The following STAU2 variants were observed in gnomAD, a reference collection of about 807,000 sequenced individuals.
The protein encoded by STAU2 is staufen double-stranded RNA binding protein 2.
In STAU2, 20 loss-of-function variants were observed where a neutral mutation model predicts 65.9. That is an observed-to-expected ratio of 0.30 (90% confidence interval 0.21 to 0.44). The LOEUF is 0.44. Ranked by LOEUF, STAU2 falls within the 20% of genes least tolerant of loss-of-function variation. STAU2 has a pLI of 1.00. For synonymous variants in STAU2, 232 were observed against 233.9 expected (o/e 0.99, Z 0.07); for missense variants, 558 against 683.9 (o/e 0.82, Z 2.05).
At position 73,609,374 on chromosome 8, in the gene STAU2, C is replaced by T. The variant is rs990946461; in HGVS notation, c.891+4370G>A. Among the ~76,000 whole-genome samples the T allele has an allele frequency of 2.0e-5, 3 of 151,944 alleles. No homozygotes were observed. In the East Asian group the frequency reaches 5.8e-4, roughly 29 times the overall value. On this transcript the variant is annotated intron_variant, in intron 9 of 14. Transcript: ENST00000524300. Reference sequence around the variant, plus strand: ...CTGAAAAAAAAAATTAAATAAAGGGCCGGGCGCGGTGGCTCATGTCTGTAA... The same window carrying T: ...CTGAAAAAAAAAATTAAATAAAGGGTCGGGCGCGGTGGCTCATGTCTGTAA...
intron 13 of STAU2, among the ~76,000 whole-genome samples, chr8:73,533,077 T>G (rs909592711): frequency 4.6e-5 from 7 of 152,218 alleles, no homozygotes; most frequent in African/African-American, 1.7e-4. Flanking sequence ...TGGTCACTCA[T>G]TGGCTTAGAA....
chr8:73,648,829 C>G (rs935541321), intron 6 of STAU2, among the ~76,000 whole-genome samples: 1 of 152,102 alleles, frequency 6.6e-6, no homozygotes, highest in Non-Finnish European at 1.5e-5. Flanking sequence ...TTTTTAGAGA[C>G]ACAGTCTCTC....
chr8:73,686,346 C>G (rs932631957), intron 5 of STAU2, among the ~76,000 whole-genome samples: 1 of 151,804 alleles, frequency 6.6e-6, no homozygotes, highest in Non-Finnish European at 1.5e-5. Context: ...GTCAGGAGAT[C>G]GAGACCATCC....
intron 6 of STAU2, among the ~76,000 whole-genome samples, chr8:73,632,389 A>C (rs1322769523): frequency 6.6e-6 from 1 of 152,196 alleles, no homozygotes; most frequent in African/African-American, 2.4e-5. Flanking sequence ...TTCCTTAAGT[A>C]TTTGAGGAAT....
intron 13 of STAU2, among the ~76,000 whole-genome samples, chr8:73,463,140 C>T (rs1385337509): frequency 6.6e-6 from 1 of 152,172 alleles, no homozygotes; most frequent in African/African-American, 2.4e-5. Context: ...AGTTATGATG[C>T]TTACTAGAAA....
Position 73,550,424 on chromosome 8 carries a change from T to TA in STAU2, c.1530+1587dup, listed in dbSNP as rs367585067. 3.4e-5 allele frequency: 34 copies of TA among 985,522 alleles called. No homozygotes were observed. The African/African-American group carries it at 5.8e-4, about 17-fold the overall frequency. The allele number at this position is 985,522 out of a possible 1,614,324, so 61.0% of individuals were successfully genotyped here. On this transcript the variant is annotated intron_variant, in intron 13 of 14. Transcript: ENST00000524300. ...TCTGGTAGCAAAATTACAGCTACTG[T>TA]AACAACAGCTCCAAGCAAAAAATCA...
At chr8:73,687,332 T>C (rs1195337650) in intron 5 of STAU2, among the ~76,000 whole-genome samples, 1 of 102,896 alleles carries the variant, frequency 9.7e-6, no homozygotes, top group South Asian at 2.9e-4. Context: ...TATTTATAAA[T>C]ATAATTTATA....
intron 4 of STAU2, among the ~76,000 whole-genome samples, chr8:73,707,330 T>C (rs139212437): frequency 6.6e-6 from 1 of 152,236 alleles, no homozygotes; most frequent in African/African-American, 2.4e-5. Flanking sequence ...GAGGCAAGTG[T>C]CACAGAAAGA....
intron 12 of STAU2, among the ~76,000 whole-genome samples, chr8:73,567,223 A>C (rs1808674892): frequency 6.6e-6 from 1 of 152,180 alleles, no homozygotes; most frequent in Admixed American, 6.5e-5. Context: ...AGATTAAAAA[A>C]AAGGCCGGGC....
chr8:73,527,801 G>A (rs777791461), intron 13 of STAU2: 1 of 1,535,956 alleles, frequency 6.5e-7, no homozygotes. Context: ...TCACAGTAGT[G>A]AACCTATAAC....
At chr8:73,539,848 C>CAAA (rs539856610) in intron 13 of STAU2, among the ~76,000 whole-genome samples, 3,917 of 86,928 alleles carry the variant, frequency 0.045, 172 homozygotes, top group Admixed American at 0.17. Context: ...CATCCCCATC[C>CAAA]AAAAAAAAAA....
chr8:73,572,133 T>C (rs549652292), intron 12 of STAU2, among the ~76,000 whole-genome samples: 1 of 152,074 alleles, frequency 6.6e-6, no homozygotes, highest in Non-Finnish European at 1.5e-5. Flanking sequence ...TCTACGCAAA[T>C]AAACTAGAAA....
chr8:73,553,295 T>A (rs919438950), intron 12 of STAU2, among the ~76,000 whole-genome samples: 4 of 152,200 alleles, frequency 2.6e-5, no homozygotes, highest in African/African-American at 9.6e-5. Context: ...ACAACTTAAT[T>A]TCCTGTTCTT....
intron 13 of STAU2, chr8:73,549,919 C>T (rs987165573): frequency 2.0e-5 from 20 of 985,604 alleles, no homozygotes; most frequent in Non-Finnish European, 2.4e-5. Flanking sequence ...AAACAATCTA[C>T]ATGTTTTTCT....
At chr8:73,609,444 G>A (rs914940078) in intron 9 of STAU2, among the ~76,000 whole-genome samples, 7 of 151,972 alleles carry the variant, frequency 4.6e-5, no homozygotes, top group Non-Finnish European at 8.8e-5. Flanking sequence ...ATGAGGTCAG[G>A]AGATCAAGAC....
chr8:73,709,226 G>C, intron 3 of STAU2, 64 bp from the exon 4 acceptor site: 2 of 1,308,888 alleles, frequency 1.5e-6, no homozygotes, highest in East Asian at 2.8e-5. Flanking sequence ...AGAAAAACTA[G>C]TTTTGACTTT....
intron 13 of STAU2, among the ~76,000 whole-genome samples, chr8:73,522,890 G>C (rs1264371438): frequency 6.6e-6 from 1 of 152,040 alleles, no homozygotes; most frequent in African/African-American, 2.4e-5. Flanking sequence ...ACTTTTTGTA[G>C]ACTGATAATT....
At chr8:73,458,521 G>T (rs1395538315) in intron 13 of STAU2, among the ~76,000 whole-genome samples, 1 of 152,194 alleles carries the variant, frequency 6.6e-6, no homozygotes, top group Non-Finnish European at 1.5e-5. Context: ...GGCTCAAGGA[G>T]AAAGCTAAAA....
At chr8:73,533,821 C>G (rs78857596) in intron 13 of STAU2, among the ~76,000 whole-genome samples, 2 of 152,096 alleles carry the variant, frequency 1.3e-5, no homozygotes, top group Non-Finnish European at 2.9e-5. Context: ...ATATGAGGGG[C>G]CATCCAAATA....
Sources: allele counts gnomAD v4.1 joint callset (sites outside exome capture counted in the v4.1 genomes callset), GRCh38; gene constraint gnomAD v4.1.1; transcripts MANE v1.5; gene names NCBI Gene and HGNC (gene_info 2026-07-23, HGNC 2026-07-21).